PCM1: variants seen among roughly 807,000 people sequenced by gnomAD.
PCM1 encodes the protein pericentriolar material 1 protein.
PCM1 carries 157 observed loss-of-function variants against 241.9 expected under a neutral mutation model. The ratio of observed to expected loss-of-function variants is 0.65; its 90% CI spans 0.57 to 0.74. The LOEUF (loss-of-function observed/expected upper bound fraction) is 0.74, where lower values mean the gene tolerates loss of function less well. PCM1 is among the 30% of genes least tolerant of loss of function. The pLI, the probability that PCM1 is intolerant of heterozygous loss-of-function variation, is 0.00. For synonymous variants in PCM1, 1,085 were observed against 784.9 expected (o/e 1.38, Z -6.39); for missense variants, 3,478 against 2,360.1 (o/e 1.47, Z -9.81).
chr8:17,953,168 C>T lies in PCM1; in HGVS notation c.1270C>T (p.His424Tyr), dbSNP rs2066723118. The T allele has an allele frequency of 1.9e-6, 3 of 1,565,050 alleles. No homozygotes were observed. Among genetic ancestry groups the T allele is most frequent in the Non-Finnish European group, 2.6e-6 (3 of 1,151,232 alleles). The change falls in exon 9 of 39, where the codon CAT (histidine) becomes TAT (tyrosine). Residue 424 changes from histidine (H) to tyrosine (Y), a missense_variant. His to Tyr is a moderately conservative substitution (Grantham distance 83). Transcript: ENST00000325083. ...AGAACTTCATACACTTCGAGATCAG[C>T]ATCTTAACAATTCATCATGTGAGTA... Reference protein sequence around the residue: ...LGELHTLRDQHLNNSSSSPQR... With the variant: ...LGELHTLRDQYLNNSSSSPQR...
rs376367921 is a variant in PCM1, at chr8:17,957,804, T to C, written c.2040+29T>C. On this transcript the variant is annotated intron_variant, in intron 13 of 38. Coordinates refer to ENST00000325083, the MANE Select transcript of PCM1 (RefSeq NM_006197.4). Reference sequence around the variant, plus strand: ...AATATTGCTTGGTCTTTTAAAAACCTATTTGTCAAATAGTACAGTCTTAAG... The same window carrying C: ...AATATTGCTTGGTCTTTTAAAAACCCATTTGTCAAATAGTACAGTCTTAAG... 4.7e-6 allele frequency: 7 copies of C among 1,475,050 alleles called. No individual in the cohort carries two copies. In the South Asian group the frequency reaches 8.1e-5, roughly 17 times the overall value. The allele number at this position is 1,475,050 out of a possible 1,614,324, so 91.4% of individuals were successfully genotyped here.
Position 17,962,087 on chromosome 8 carries a change from T to G in PCM1, c.2376T>G (p.Val792=). 8.7e-6 allele frequency: 14 copies of G among 1,612,026 alleles called. No homozygotes were observed. Among genetic ancestry groups the G allele is most frequent in the Non-Finnish European group, 1.2e-5 (14 of 1,178,734 alleles). ...NCPTKKYMPA[V]TSTPTVNQHE... ...CCACCAAAAAATATATGCCAGCTGT[T>G]ACTTCAACCCCAACTGTTAATCAAC... The change falls in exon 16 of 39, where the codon GTT becomes GTG. Residue 792 remains valine, a synonymous_variant. Coordinates refer to ENST00000325083, the MANE Select transcript of PCM1 (RefSeq NM_006197.4).
chr8:17,972,968 C>A (rs1336638276), intron 23 of PCM1, among the ~76,000 whole-genome samples: 1 of 151,980 alleles, frequency 6.6e-6, no homozygotes, highest in Non-Finnish European at 1.5e-5. Context: ...TTGCCAAATG[C>A]CCACGTTTAC....
chr8:17,944,977 C>T (rs1427209909), intron 6 of PCM1, among the ~76,000 whole-genome samples: 1 of 152,014 alleles, frequency 6.6e-6, no homozygotes, highest in African/African-American at 2.4e-5. Flanking sequence ...GCTTTTTTCT[C>T]ATTTGCATAT....
chr8:17,943,443 G>A (rs552094534), intron 6 of PCM1, among the ~76,000 whole-genome samples: 1 of 152,194 alleles, frequency 6.6e-6, no homozygotes, highest in South Asian at 2.1e-4. Context: ...GGTAACCATT[G>A]GAATTTTATT....
chr8:17,938,804 A>G lies in PCM1; in HGVS notation c.407A>G (p.Glu136Gly). ...TAANNKRQLSENRKPFNFLPM... is the reference protein window; with the variant it reads ...TAANNKRQLSGNRKPFNFLPM... ...GCTAACAACAAACGTCAGCTTAGTGAAAACCGAAAGCCCTTCAACTTTTTG... is the reference window on the plus strand; with the variant it reads ...GCTAACAACAAACGTCAGCTTAGTGGAAACCGAAAGCCCTTCAACTTTTTG... Residue 136 changes from glutamate to glycine, a missense_variant, in exon 5 of 39, where the codon GAA (glutamate) becomes GGA (glycine). Glu to Gly is a moderately conservative substitution (Grantham distance 98). Coordinates refer to ENST00000325083, the MANE Select transcript of PCM1 (RefSeq NM_006197.4). 1 of 1,613,170 alleles carries G rather than the reference A, an allele frequency of 6.2e-7. No individual in the cohort carries two copies. The highest frequency in any genetic ancestry group is 8.5e-7 in the Non-Finnish European group (1 of 1,179,090).
intron 10 of PCM1, 89 bp downstream of exon 10, chr8:17,955,742 A>G (rs371303306): frequency 2.1e-6 from 2 of 963,788 alleles, no homozygotes; most frequent in African/African-American, 3.3e-5. Flanking sequence ...CTGCAAAACG[A>G]GATTTATTTA....
chr8:17,947,448 T>C, intron 7 of PCM1, 85 bp downstream of exon 7: 1 of 964,810 alleles, frequency 1.0e-6, no homozygotes, highest in Admixed American at 2.4e-5. Flanking sequence ...TATTACATAA[T>C]CAGATCTTGA....
intron 26 of PCM1, 42 bp from the exon 27 acceptor site, chr8:17,989,817 T>G (rs1359821346): frequency 3.8e-6 from 5 of 1,329,000 alleles, no homozygotes; most frequent in Non-Finnish European, 4.1e-6. Context: ...TATGAAATTC[T>G]TAGAAGTATT....
chr8:17,990,945 A>C (rs1393327903), intron 27 of PCM1, among the ~76,000 whole-genome samples: 1 of 152,058 alleles, frequency 6.6e-6, no homozygotes, highest in Non-Finnish European at 1.5e-5. Context: ...TACAGAGAAA[A>C]ATTACTGTGT....
chr8:17,962,120 C>G lies in PCM1; in HGVS notation c.2409C>G (p.Thr803=), dbSNP rs746467728. 1.9e-6 allele frequency: 3 copies of G among 1,610,106 alleles called. No individual in the cohort carries two copies. Among genetic ancestry groups the G allele is most frequent in the African/African-American group, 2.7e-5 (2 of 74,888 alleles). Residue 803 remains threonine, a synonymous_variant, in exon 16 of 39, where the codon ACC becomes ACG. Coordinates refer to ENST00000325083, the MANE Select transcript of PCM1 (RefSeq NM_006197.4). ...CCCCAACTGTTAATCAACACGAGAC[C>G]AGTACAAGCAAATCTGTTTTTGAGC... ...TSTPTVNQHE[T]STSKSVFEPE...
At chr8:17,993,441 A>T in intron 28 of PCM1, 42 bp from the exon 29 acceptor site, 1 of 1,423,054 alleles carries the variant, frequency 7.0e-7, no homozygotes, top group African/African-American at 1.4e-5. Flanking sequence ...TGTATATATA[A>T]TAGGCTTTGT....
At chr8:17,932,494 T>TTTGCAGC (rs1361862372) in intron 2 of PCM1, among the ~76,000 whole-genome samples, 18 of 152,156 alleles carry the variant, frequency 1.2e-4, no homozygotes, top group Admixed American at 3.3e-4. Context: ...CTTATTTTAA[T>TTTGCAGC]TTGCAGCTGG....
At chr8:17,983,717 G>A (rs2081708688) in intron 24 of PCM1, among the ~76,000 whole-genome samples, 1 of 152,120 alleles carries the variant, frequency 6.6e-6, no homozygotes, top group Non-Finnish European at 1.5e-5. Context: ...GATAAATAAA[G>A]ATCATGGAAA....
intron 10 of PCM1, among the ~76,000 whole-genome samples, chr8:17,956,229 G>GT (rs1203777122): frequency 1.3e-5 from 2 of 152,190 alleles, no homozygotes; most frequent in African/African-American, 2.4e-5. Context: ...AGTAATGTCT[G>GT]TATACCTGAT....
intron 22 of PCM1, among the ~76,000 whole-genome samples, chr8:17,970,251 AGT>A (rs2076392280): frequency 6.6e-6 from 1 of 152,270 alleles, no homozygotes; most frequent in South Asian, 2.1e-4. Context: ...TTTTTGACTC[AGT>A]GTGAAAGGTT....
rs749313201 is a variant in PCM1, at chr8:17,935,625, A to C, written c.15A>C (p.Gly5=). 2.0e-6 allele frequency: 3 copies of C among 1,513,510 alleles called. No individual in the cohort carries two copies. The highest frequency in any genetic ancestry group is 4.5e-5 in the East Asian group (2 of 44,426). The allele number at this position is 1,513,510 out of a possible 1,614,324, so 93.8% of individuals were successfully genotyped here. A position where few individuals can be genotyped will look rare whatever the true frequency, so the allele number is the denominator to read the frequency against. Reference sequence around the variant, plus strand: ...TTAAATCCAGTATGGCCACAGGAGGAGGTCCCTTTGAAGATGGCATGAATG... The same window carrying C: ...TTAAATCCAGTATGGCCACAGGAGGCGGTCCCTTTGAAGATGGCATGAATG... MATG[G]GPFEDGMNDQ... Residue 5 remains glycine, a synonymous_variant, in exon 3 of 39, where the codon GGA becomes GGC. Coordinates refer to ENST00000325083, the MANE Select transcript of PCM1 (RefSeq NM_006197.4).
At chr8:17,934,998 C>G (rs867221797) in intron 2 of PCM1, 1 of 152,354 alleles carries the variant, frequency 6.6e-6, no homozygotes, top group Middle Eastern at 3.4e-3. Flanking sequence ...GTAAGCATCA[C>G]TATTCTTAAA....
intron 1 of PCM1, among the ~76,000 whole-genome samples, 171 bp from the exon 2 acceptor site, chr8:17,924,542 A>G (rs73580007): frequency 0.02 from 3,065 of 152,284 alleles, 102 homozygotes; most frequent in African/African-American, 0.07. Context: ...ATATCACACT[A>G]TTTTCCAAAA....
Sources: allele counts gnomAD v4.1 joint callset (sites outside exome capture counted in the v4.1 genomes callset), GRCh38; gene constraint gnomAD v4.1.1; transcripts MANE v1.5; gene names NCBI Gene and HGNC (gene_info 2026-07-23, HGNC 2026-07-21).